Variants in NWD1 observed in about 807,000 individuals in gnomAD.
NWD1 encodes NACHT domain- and WD repeat-containing protein 1.
In NWD1, 129 loss-of-function variants were observed where a neutral mutation model predicts 135.1. The ratio of observed to expected loss-of-function variants is 0.96; its 90% CI spans 0.83 to 1.11. The LOEUF (loss-of-function observed/expected upper bound fraction) is 1.11, where lower values mean the gene tolerates loss of function less well. Ranked by LOEUF, NWD1 falls within the 50% of genes least tolerant of loss-of-function variation. The pLI, the probability that NWD1 is intolerant of heterozygous loss-of-function variation, is 0.00. For missense variants in NWD1, 1,740 were observed against 1,851.3 expected (o/e 0.94, Z 1.10); for synonymous variants, 773 against 786.0 (o/e 0.98, Z 0.28).
Position 16,797,187 on chromosome 19 carries a change from A to C in NWD1, c.3305-545A>C, listed in dbSNP as rs115380018. Among the ~76,000 whole-genome samples, 1,002 of 151,530 alleles carry C rather than the reference A, an allele frequency of 6.6e-3. 12 individuals carry two copies. Among genetic ancestry groups the C allele is most frequent in the African/African-American group, 0.023 (945 of 41,390 alleles). ...AGAGCGAGACTCCATCTCAAAAAAA[A>C]AAAAAAATTGATGAGTGATTACAGA... is the stretch of plus-strand genomic sequence containing the variant. On this transcript the variant is annotated intron_variant, in intron 15 of 18. Transcript: ENST00000524140.
chr19:16,748,566 C>T (rs576412800), intron 5 of NWD1, among the ~76,000 whole-genome samples: 1 of 152,190 alleles, frequency 6.6e-6, no homozygotes, highest in African/African-American at 2.4e-5. Context: ...GTGGCTCACG[C>T]CTGTAATCCC....
intron 17 of NWD1, among the ~76,000 whole-genome samples, chr19:16,803,819 G>GGA (rs1034912729): frequency 1.3e-5 from 2 of 151,936 alleles, no homozygotes; most frequent in African/African-American, 4.8e-5. Context: ...CAGCTACTGG[G>GGA]GAGGCTGAGG....
chr19:16,758,912 G>A lies in NWD1; in HGVS notation c.1770-313G>A, dbSNP rs554212771. Among the ~76,000 whole-genome samples the A allele has an allele frequency of 1.3e-4, 20 of 149,344 alleles. No homozygotes were observed. The South Asian group carries it at 4.3e-3, about 32-fold the overall frequency. On this transcript the variant is annotated intron_variant, in intron 6 of 18. Transcript: ENST00000524140. ...CCAGCTACTCAGGAGACTGAGGCAG[G>A]AGAATCGCTTGAACCCGCGAGGCGG...
intron 3 of NWD1, among the ~76,000 whole-genome samples, chr19:16,735,862 GAAGGAGGA>G (rs1431197680): frequency 4.6e-4 from 24 of 52,222 alleles, no homozygotes; most frequent in African/African-American, 1.8e-3. Flanking sequence ...AGGAAGGAAG[GAAGGAGGA>G]AGGAAGGAAG....
chr19:16,730,994 A>G (rs1192146697), intron 2 of NWD1, among the ~76,000 whole-genome samples, 198 bp from the exon 3 acceptor site: 2 of 145,206 alleles, frequency 1.4e-5, no homozygotes, highest in Non-Finnish European at 3.0e-5. Flanking sequence ...CTGTAATCCC[A>G]ACACTTTGGG....
At chr19:16,796,365 G>A (rs932562676) in intron 15 of NWD1, among the ~76,000 whole-genome samples, 5 of 152,156 alleles carry the variant, frequency 3.3e-5, no homozygotes, top group African/African-American at 9.7e-5. Context: ...GGGAGGATGA[G>A]GTGGGAGAAT....
intron 16 of NWD1, among the ~76,000 whole-genome samples, chr19:16,798,811 G>C (rs1224970252): frequency 1.3e-5 from 2 of 152,000 alleles, no homozygotes; most frequent in Admixed American, 6.6e-5. Flanking sequence ...ATTTTTAGTA[G>C]AGACGGGGTT....
At chr19:16,753,813 C>T (rs1406359854) in intron 6 of NWD1, among the ~76,000 whole-genome samples, 1 of 150,786 alleles carries the variant, frequency 6.6e-6, no homozygotes, top group Non-Finnish European at 1.5e-5. Context: ...CTCCCTCCCT[C>T]CCTCCATCAT....
intron 11 of NWD1, among the ~76,000 whole-genome samples, chr19:16,775,784 C>T (rs958259311): frequency 6.6e-6 from 1 of 152,224 alleles, no homozygotes; most frequent in African/African-American, 2.4e-5. Context: ...TTTCCTGCCT[C>T]AGCCTCCCAA....
chr19:16,721,205 G>T (rs1459575314), intron 1 of NWD1, among the ~76,000 whole-genome samples: 1 of 151,922 alleles, frequency 6.6e-6, no homozygotes, highest in Non-Finnish European at 1.5e-5. Context: ...GTGTGCTGTT[G>T]AAATCTAGTG....
Position 16,719,913 on chromosome 19 carries a change from C to T in NWD1, c.-485C>T, listed in dbSNP as rs1331994352. On this transcript the variant is annotated 5_prime_UTR_variant, in exon 1 of 19. Coordinates refer to ENST00000524140, the MANE Select transcript of NWD1 (RefSeq NM_001007525.5). ...CTAAGACGAAAGTTACTAGGATAGC[C>T]AGGGGCTTGTCTTCCGGGTGGCGCC... is the stretch of plus-strand genomic sequence containing the variant. 1 of 152,168 alleles carries T rather than the reference C, an allele frequency of 6.6e-6. No individual in the cohort carries two copies. Among genetic ancestry groups the T allele is most frequent in the Non-Finnish European group, 1.5e-5 (1 of 68,062 alleles). The allele number at this position is 152,168 out of a possible 1,614,324, so 9.4% of individuals were successfully genotyped here.
intron 4 of NWD1, among the ~76,000 whole-genome samples, chr19:16,738,003 A>AAGAAAAGAAAAGAAAAGAAAAG (rs1568339424): frequency 3.6e-5 from 5 of 138,060 alleles, no homozygotes; most frequent in Non-Finnish European, 6.5e-5. Context: ...AAGAAAAGAA[A>AAGAAAAGAAAAGAAAAGAAAAG]AGAAAAGAAA....
At chr19:16,760,039 C>T (rs1433129004) in intron 7 of NWD1, among the ~76,000 whole-genome samples, 1 of 149,904 alleles carries the variant, frequency 6.7e-6, no homozygotes, top group East Asian at 2.0e-4. Context: ...CTTGTGGTCC[C>T]AGCTACTTGG....
intron 11 of NWD1, among the ~76,000 whole-genome samples, chr19:16,778,494 C>CTTCTTCTTTTT (rs200410922): frequency 6.5e-5 from 7 of 107,566 alleles, no homozygotes; most frequent in African/African-American, 3.3e-4. Context: ...TCTTCTTCTT[C>CTTCTTCTTTTT]TTTTTTTTTT....
chr19:16,765,072 G>A lies in NWD1; in HGVS notation c.2290G>A (p.Gly764Ser), dbSNP rs1969171780. Residue 764 changes from glycine to serine, a missense_variant, in exon 10 of 19, where the codon GGC becomes AGC. Transcript: ENST00000524140. ...GATTTCCTGCCGGGGCATCTCTGGGGGCATTGAAGACCTGCTGGATGACTT... is the reference window on the plus strand; with the variant it reads ...GATTTCCTGCCGGGGCATCTCTGGGAGCATTGAAGACCTGCTGGATGACTT... ...SWISCRGISG[G>S]IEDLLDDFDL... The A allele has an allele frequency of 3.7e-6, 6 of 1,614,102 alleles. No individual in the cohort carries two copies. Among genetic ancestry groups the A allele is most frequent in the Non-Finnish European group, 5.1e-6 (6 of 1,180,014 alleles).
intron 11 of NWD1, among the ~76,000 whole-genome samples, chr19:16,777,984 A>C (rs1378867335): frequency 1.1e-5 from 1 of 89,562 alleles, no homozygotes; most frequent in East Asian, 3.9e-4. Flanking sequence ...AAGGAAATGG[A>C]GGAAGGGGGA....
At position 16,736,742 on chromosome 19, in the gene NWD1, G is replaced by T; in HGVS notation, c.190G>T (p.Ala64Ser). The change falls in exon 4 of 19, where the codon GCT (alanine) becomes TCT (serine). Residue 64 changes from alanine (A) to serine (S), a missense_variant. Ala to Ser is a moderately conservative substitution (Grantham distance 99, BLOSUM62 1). Transcript: ENST00000524140. ...DRCWKTSIGP[A>S]FVALIGDQYG... ...GTGTTGGAAAACATCCATAGGGCCA[G>T]CTTTTGTTGTGAGTGTCTTGGGAGG... 1 of 1,528,850 alleles carries T rather than the reference G, an allele frequency of 6.5e-7. No homozygotes were observed. Among genetic ancestry groups the T allele is most frequent in the Non-Finnish European group, 8.8e-7 (1 of 1,139,912 alleles). 94.7% of individuals were successfully genotyped at this position (1,528,850 alleles called of 1,614,324 possible).
chr19:16,736,082 C>T (rs114446435), intron 3 of NWD1, among the ~76,000 whole-genome samples: 3,384 of 152,016 alleles, frequency 0.022, 122 homozygotes, highest in African/African-American at 0.077. Context: ...ATCCAGGGTA[C>T]CCCATTGCAT....
chr19:16,785,426 G>A (rs912744574), intron 12 of NWD1, among the ~76,000 whole-genome samples: 7 of 151,672 alleles, frequency 4.6e-5, no homozygotes, highest in Admixed American at 1.3e-4. Context: ...CAGGAGAATC[G>A]CTTGAATCCT....
Sources: allele counts gnomAD v4.1 joint callset (sites outside exome capture counted in the v4.1 genomes callset), GRCh38; gene constraint gnomAD v4.1.1; transcripts MANE v1.5; gene names NCBI Gene and HGNC (gene_info 2026-07-23, HGNC 2026-07-21).